The following CCDC3 variants were observed in gnomAD, a reference collection of about 807,000 sequenced individuals.
CCDC3 encodes the protein coiled-coil domain-containing protein 3.
CCDC3 carries 24 observed loss-of-function variants against 21.4 expected under a neutral mutation model. That is an observed-to-expected ratio of 1.12 (90% CI 0.81 to 1.58). The LOEUF is 1.58. CCDC3 is among the 40% of genes most tolerant of loss of function. CCDC3 has a pLI of 0.00. For missense variants in CCDC3, 425 were observed against 360.9 expected (o/e 1.18, Z -1.44); for synonymous variants, 186 against 166.0 (o/e 1.12, Z -0.93).
intron 5 of CCDC3, among the ~76,000 whole-genome samples, chr10:13,015,318 C>G (rs561054016): frequency 1.3e-5 from 2 of 152,196 alleles, no homozygotes; most frequent in South Asian, 4.2e-4. Context: ...GCCTGTTATA[C>G]AGATTAGGAA....
At chr10:12,973,777 G>T (rs1472430298) in intron 2 of CCDC3, among the ~76,000 whole-genome samples, 1 of 152,190 alleles carries the variant, frequency 6.6e-6, no homozygotes, top group African/African-American at 2.4e-5. Flanking sequence ...TGGTCTTCCA[G>T]GTAAACCTGA....
At chr10:12,967,362 C>T (rs776237844) in intron 2 of CCDC3, among the ~76,000 whole-genome samples, 46 of 151,880 alleles carry the variant, frequency 3.0e-4, no homozygotes, top group African/African-American at 1.0e-3. Flanking sequence ...ATGTGAACTG[C>T]CTAAGAATTC....
At chr10:13,083,382 G>A (rs185206690) in intron 3 of CCDC3, among the ~76,000 whole-genome samples, 15 of 152,354 alleles carry the variant, frequency 9.8e-5, no homozygotes, top group Admixed American at 2.6e-4. Flanking sequence ...GGAGGGAACC[G>A]TAGAAAGTAA....
At chr10:12,920,289 G>A (rs1010120664) in intron 2 of CCDC3, among the ~76,000 whole-genome samples, 2 of 152,110 alleles carry the variant, frequency 1.3e-5, no homozygotes, top group Admixed American at 1.3e-4. Flanking sequence ...CAGGAGAACA[G>A]TATGGGGGAA....
At chr10:13,001,839 C>G (rs1037428021), upstream of CCDC3, 2 of 153,502 alleles carry the variant, frequency 1.3e-5, no homozygotes, top group Non-Finnish European at 1.4e-5. Context: ...GGGCGGGTCC[C>G]GGCGCCGGCT....
At chr10:13,081,803 T>C (rs1837042748) in intron 3 of CCDC3, among the ~76,000 whole-genome samples, 1 of 152,240 alleles carries the variant, frequency 6.6e-6, no homozygotes, top group Admixed American at 6.5e-5. Context: ...AAATATTCCA[T>C]CTGCACTCTA....
At chr10:12,917,711 A>G (rs557640924) in intron 2 of CCDC3, among the ~76,000 whole-genome samples, 30 of 152,350 alleles carry the variant, frequency 2.0e-4, no homozygotes, top group African/African-American at 7.2e-4. Flanking sequence ...TAAAATTTAC[A>G]TGGTATAAAA....
At chr10:13,095,086 GA>G (rs1366539385) in intron 3 of CCDC3, among the ~76,000 whole-genome samples, 1 of 152,138 alleles carries the variant, frequency 6.6e-6, no homozygotes, top group African/African-American at 2.4e-5. Context: ...GGATTTCAGG[GA>G]AAGGAAAGCA....
chr10:13,008,184 T>A (rs7913819), intron 5 of CCDC3, among the ~76,000 whole-genome samples: 2 of 152,012 alleles, frequency 1.3e-5, no homozygotes, highest in Non-Finnish European at 2.9e-5. Flanking sequence ...AGTGGCCTCC[T>A]AGGCATGCAG....
intron 2 of CCDC3, among the ~76,000 whole-genome samples, chr10:12,984,955 T>C (rs1257623645): frequency 6.6e-6 from 1 of 152,184 alleles, no homozygotes; most frequent in Non-Finnish European, 1.5e-5. Flanking sequence ...TTGGGGGTTA[T>C]AAAATGTTCT....
chr10:12,940,734 T>G (rs1443778195), intron 2 of CCDC3, among the ~76,000 whole-genome samples: 1 of 152,214 alleles, frequency 6.6e-6, no homozygotes, highest in Non-Finnish European at 1.5e-5. Context: ...CACATAAATT[T>G]AAATGAGGCA....
At chr10:13,075,553 G>A (rs1836953599) in intron 3 of CCDC3, among the ~76,000 whole-genome samples, 1 of 151,850 alleles carries the variant, frequency 6.6e-6, no homozygotes, top group Admixed American at 6.6e-5. Context: ...CTAAAAATAA[G>A]GGAAGAAACA....
At chr10:13,036,724 A>C (rs1191415137) in intron 5 of CCDC3, among the ~76,000 whole-genome samples, 2 of 151,638 alleles carry the variant, frequency 1.3e-5, no homozygotes, top group Non-Finnish European at 2.9e-5. Flanking sequence ...ACCTCAGGTG[A>C]TCTGCCCACT....
Position 12,999,462 on chromosome 10 carries a change from G to A in CCDC3, c.375-950C>T, listed in dbSNP as rs551907330. ...TTACACTCCAGTCTACAGAAAACACGTAGGGCTCACCAGCAAGTCTCCGTT... is the reference window on the plus strand; with the variant it reads ...TTACACTCCAGTCTACAGAAAACACATAGGGCTCACCAGCAAGTCTCCGTT... On this transcript the variant is annotated intron_variant, in intron 1 of 2. Coordinates refer to ENST00000378825, the MANE Select transcript of CCDC3 (RefSeq NM_031455.4). 1.1e-4 allele frequency among the ~76,000 whole-genome samples: 17 copies of A among 152,234 alleles called. 1 individual carries two copies. The highest frequency in any genetic ancestry group is 4.1e-4 in the African/African-American group (17 of 41,530).
intron 2 of CCDC3, among the ~76,000 whole-genome samples, chr10:12,971,426 C>G (rs1461270230): frequency 1.3e-5 from 2 of 152,166 alleles, no homozygotes; most frequent in African/African-American, 2.4e-5. Flanking sequence ...TCACTGTAGC[C>G]CACCGCAGAT....
chr10:13,063,234 T>C (rs1412171343), intron 4 of CCDC3, among the ~76,000 whole-genome samples: 1 of 43,456 alleles, frequency 2.3e-5, no homozygotes, highest in East Asian at 5.9e-4. Context: ...GCAGTTCCCC[T>C]GTCTTGATTT....
intron 5 of CCDC3, among the ~76,000 whole-genome samples, chr10:13,013,975 AC>A (rs888676731): frequency 2.6e-5 from 4 of 151,778 alleles, no homozygotes; most frequent in Non-Finnish European, 5.9e-5. Context: ...ACATGGCGAA[AC>A]CCCATCTCTA....
chr10:13,012,714 T>A (rs540174258), intron 5 of CCDC3, among the ~76,000 whole-genome samples: 1 of 152,132 alleles, frequency 6.6e-6, no homozygotes, highest in African/African-American at 2.4e-5. Flanking sequence ...GACGTTGCAG[T>A]GAGCTGAGAT....
At chr10:12,922,657 C>G (rs557770341) in intron 2 of CCDC3, among the ~76,000 whole-genome samples, 27 of 152,268 alleles carry the variant, frequency 1.8e-4, no homozygotes, top group South Asian at 1.5e-3. Context: ...GCTCTTCCCC[C>G]TCCCGGACCC....
Sources: gnomAD v4.1 joint callset for allele counts (sites outside exome capture counted in the v4.1 genomes callset) on GRCh38, gnomAD v4.1.1 for gene constraint, MANE v1.5 for transcripts, NCBI Gene and HGNC (gene_info 2026-07-23, HGNC 2026-07-21) for gene names.